The following IL1RAPL2 variants were observed in gnomAD, a reference collection of about 807,000 sequenced individuals.
IL1RAPL2 encodes the protein interleukin 1 receptor accessory protein like 2, also known as X-linked interleukin-1 receptor accessory protein-like 2.
IL1RAPL2 carries 3 observed loss-of-function variants against 44.1 expected under a neutral mutation model. The observed-to-expected ratio is 0.07, with a 90% CI of 0.03 to 0.18. IL1RAPL2 has a LOEUF of 0.18. IL1RAPL2 is among the 10% of genes least tolerant of loss of function. The pLI is 1.00. For synonymous variants in IL1RAPL2, 181 were observed against 178.8 expected, an observed-to-expected ratio of 1.01 and a Z score of -0.10; for missense variants, 391 against 496.4, an observed-to-expected ratio of 0.79 and a Z score of 2.02.
chrX:104,949,095 C>A (rs113522807), intron 2 of IL1RAPL2, among the ~76,000 whole-genome samples: 3 of 110,901 alleles, frequency 2.7e-5, no homozygotes, highest in South Asian at 3.9e-4. Flanking sequence ...ACAATTTCAG[C>A]TCCTGTTATT....
intron 2 of IL1RAPL2, among the ~76,000 whole-genome samples, chrX:104,815,190 T>C (rs1921101497): frequency 9.0e-6 from 1 of 111,676 alleles, no homozygotes; most frequent in African/African-American, 3.3e-5. Context: ...ATTATGTTTG[T>C]TTCCTATTGC....
intron 6 of IL1RAPL2, among the ~76,000 whole-genome samples, chrX:105,584,777 C>G (rs1278032005): frequency 9.0e-6 from 1 of 111,152 alleles, no homozygotes; most frequent in African/African-American, 3.3e-5. Flanking sequence ...GTCTTGATCA[C>G]TGGTGTTCAG....
At chrX:105,036,854 G>T (rs1216088358) in intron 2 of IL1RAPL2, among the ~76,000 whole-genome samples, 1 of 111,684 alleles carries the variant, frequency 9.0e-6, no homozygotes, top group Non-Finnish European at 1.9e-5. Flanking sequence ...ACAATACAAA[G>T]GGATAAAAAC....
intron 2 of IL1RAPL2, among the ~76,000 whole-genome samples, chrX:104,836,615 A>G (rs1291672162): frequency 9.0e-6 from 1 of 111,245 alleles, no homozygotes; most frequent in African/African-American, 3.3e-5. Flanking sequence ...GTTTAAACAG[A>G]AATAATGTAT....
At chrX:104,750,007 T>C (rs1602709722) in intron 2 of IL1RAPL2, among the ~76,000 whole-genome samples, 1 of 111,523 alleles carries the variant, frequency 9.0e-6, no homozygotes, top group Non-Finnish European at 1.9e-5. Flanking sequence ...ATGGAAGATA[T>C]AATTTTTGAG....
chrX:105,137,634 TTTC>T (rs754438666), intron 2 of IL1RAPL2, among the ~76,000 whole-genome samples: 7 of 111,969 alleles, frequency 6.3e-5, no homozygotes, highest in South Asian at 3.7e-4. Context: ...TGATTGAGGG[TTTC>T]TTCTTCATTT....
chrX:104,873,572 C>T (rs1161573745), intron 2 of IL1RAPL2, among the ~76,000 whole-genome samples: 2 of 111,256 alleles, frequency 1.8e-5, no homozygotes, highest in Non-Finnish European at 3.8e-5. Flanking sequence ...AACAGGGAAG[C>T]CTCTATCTGG....
chrX:105,587,195 T>C (rs2037135242), intron 6 of IL1RAPL2, among the ~76,000 whole-genome samples: 1 of 112,035 alleles, frequency 8.9e-6, no homozygotes, highest in Admixed American at 9.5e-5. Flanking sequence ...TGAATCAAAA[T>C]TAATATATAC....
At chrX:105,104,585 G>A (rs2147561854) in intron 2 of IL1RAPL2, among the ~76,000 whole-genome samples, 1 of 111,832 alleles carries the variant, frequency 8.9e-6, no homozygotes, top group African/African-American at 3.2e-5. Context: ...CTAGGCAAAG[G>A]CCAATGGTGC....
chrX:105,238,369 A>G (rs782523009), intron 4 of IL1RAPL2, among the ~76,000 whole-genome samples: 34 of 112,226 alleles, frequency 3.0e-4, no homozygotes, highest in Middle Eastern at 4.7e-3. Context: ...TCTCATTTTG[A>G]GAGATTGACC....
At chrX:105,288,904 T>C (rs1294879829) in intron 5 of IL1RAPL2, among the ~76,000 whole-genome samples, 1 of 111,123 alleles carries the variant, frequency 9.0e-6, no homozygotes, top group African/African-American at 3.3e-5. Flanking sequence ...ACTGATCTTA[T>C]CATGCTTGTT....
At chrX:104,953,569 G>A (rs1925639864) in intron 2 of IL1RAPL2, among the ~76,000 whole-genome samples, 4 of 111,543 alleles carry the variant, frequency 3.6e-5, no homozygotes, top group Non-Finnish European at 5.6e-5. Context: ...AGAAGGTTGA[G>A]CAACTTTATT....
intron 6 of IL1RAPL2, among the ~76,000 whole-genome samples, chrX:105,659,126 C>CA (rs2037699460): frequency 1.8e-5 from 2 of 109,415 alleles, no homozygotes; most frequent in African/African-American, 3.3e-5. Flanking sequence ...GACTCTGTCT[C>CA]AAAAAACAAA....
At chrX:105,334,157 C>T (rs1266573567) in intron 5 of IL1RAPL2, among the ~76,000 whole-genome samples, 2 of 112,018 alleles carry the variant, frequency 1.8e-5, no homozygotes, top group South Asian at 3.7e-4. Context: ...AAATTTAGTA[C>T]ATATACAAAA....
At chrX:104,814,767 A>T (rs1321899423) in intron 2 of IL1RAPL2, among the ~76,000 whole-genome samples, 2 of 112,308 alleles carry the variant, frequency 1.8e-5, no homozygotes, top group Non-Finnish European at 3.8e-5. Context: ...AGTCTGCATT[A>T]TACAAGAATG....
chrX:104,948,986 A>T (rs1214138936), intron 2 of IL1RAPL2, among the ~76,000 whole-genome samples: 1 of 109,716 alleles, frequency 9.1e-6, no homozygotes, highest in Non-Finnish European at 1.9e-5. Flanking sequence ...TAGTTTCAGA[A>T]GGAATGGTAC....
At chrX:104,982,841 T>C (rs937380369) in intron 2 of IL1RAPL2, among the ~76,000 whole-genome samples, 2 of 111,613 alleles carry the variant, frequency 1.8e-5, no homozygotes, top group Non-Finnish European at 3.8e-5. Context: ...TCAATTCTTG[T>C]ATAGCAATTC....
At chrX:104,865,860 T>C (rs1212235490) in intron 2 of IL1RAPL2, among the ~76,000 whole-genome samples, 1 of 112,674 alleles carries the variant, frequency 8.9e-6, no homozygotes, top group Non-Finnish European at 1.9e-5. Flanking sequence ...GTTTTGGGAC[T>C]CAGACTGGCT....
intron 9 of IL1RAPL2, 28 bp downstream of exon 9, chrX:105,749,131 C>T (rs1317190732): frequency 1.7e-6 from 2 of 1,172,094 alleles, no homozygotes; most frequent in South Asian, 3.9e-5. Context: ...GTTCAAATTC[C>T]ATTAAACGGC....
Sources: gnomAD v4.1 joint callset for allele counts (sites outside exome capture counted in the v4.1 genomes callset) on GRCh38, gnomAD v4.1.1 for gene constraint, MANE v1.5 for transcripts, NCBI Gene and HGNC (gene_info 2026-07-23, HGNC 2026-07-21) for gene names.